Variants in DCAF15 observed in about 807,000 individuals in gnomAD.
DCAF15 encodes the protein DDB1 and CUL4 associated factor 15, also known as DDB1- and CUL4-associated factor 15.
Under a neutral mutation model 68.0 loss-of-function variants are expected in DCAF15, and 24 were observed. That is an observed-to-expected ratio of 0.35 (90% CI 0.26 to 0.50). The LOEUF (loss-of-function observed/expected upper bound fraction) is 0.50. Among genes scored for constraint, DCAF15 ranks in the 20% least tolerant of loss-of-function variants. The pLI is 0.98. For synonymous variants in DCAF15, 376 were observed against 341.6 expected, an observed-to-expected ratio of 1.10 and a Z score of -1.11; for missense variants, 627 against 830.6, an observed-to-expected ratio of 0.75 and a Z score of 3.01.
intron 2 of DCAF15, 42 bp from the exon 3 acceptor site, chr19:13,954,484 G>C: frequency 6.2e-7 from 1 of 1,613,966 alleles, no homozygotes; most frequent in African/African-American, 1.3e-5. Flanking sequence ...GGAGTGGTGG[G>C]CTCGCCCTGA....
chr19:13,959,467 G>A lies in DCAF15; in HGVS notation c.1207G>A (p.Glu403Lys), dbSNP rs940922569. The A allele has an allele frequency of 1.2e-6, 2 of 1,609,534 alleles. No homozygotes were observed. Among genetic ancestry groups the A allele is most frequent in the Admixed American group, 1.7e-5 (1 of 59,910 alleles). ...YYVLESGEGT[E>K]PEDELEDDKI... Reference sequence around the variant, plus strand: ...TGTGCTGGAGTCCGGAGAGGGGACGGAGCCGGAGGATGGTGAGCGGGGGGC... The same window carrying A: ...TGTGCTGGAGTCCGGAGAGGGGACGAAGCCGGAGGATGGTGAGCGGGGGGC... Residue 403 changes from glutamate to lysine, a missense_variant, in exon 7 of 13, where the codon GAG becomes AAG. Physicochemically the swap from Glu to Lys is moderately conservative, Grantham distance 56. Transcript: ENST00000254337.
At chr19:13,958,089 G>A (rs1973440956) in intron 6 of DCAF15, among the ~76,000 whole-genome samples, 1 of 152,148 alleles carries the variant, frequency 6.6e-6, no homozygotes, top group East Asian at 1.9e-4. Flanking sequence ...TCTATACCAG[G>A]AAGGGTGAGG....
intron 6 of DCAF15, 36 bp downstream of exon 6, chr19:13,956,558 G>A (rs376645695): frequency 1.1e-4 from 172 of 1,606,436 alleles, no homozygotes; most frequent in Non-Finnish European, 1.3e-4. Context: ...CCGGCAACGC[G>A]TGAAGCGGGT....
At position 13,959,907 on chromosome 19, in the gene DCAF15, G is replaced by A. The variant is rs1973533129; in HGVS notation, c.1440+12G>A. The A allele has an allele frequency of 6.2e-7, 1 of 1,612,108 alleles. No homozygotes were observed. Among genetic ancestry groups the A allele is most frequent in the South Asian group, 1.1e-5 (1 of 91,052 alleles). ...TCGTCATTCTGGAGGTGGGCCCAGG[G>A]CGGGCAGGGTGGGCCCAGGGCCTCC... On this transcript the variant is annotated intron_variant, in intron 9 of 12. Transcript: ENST00000254337.
chr19:13,960,147 T>C, intron 10 of DCAF15, 78 bp downstream of exon 10: 1 of 1,586,288 alleles, frequency 6.3e-7, no homozygotes, highest in South Asian at 1.1e-5. Flanking sequence ...TGTGGGGACG[T>C]GAGAAGGCTC....
chr19:13,952,934 C>A, intron 1 of DCAF15: 1 of 875,278 alleles, frequency 1.1e-6, no homozygotes, highest in Non-Finnish European at 1.7e-6. Flanking sequence ...ACCCCAGAGG[C>A]CGCAGGGAGA....
At chr19:13,952,732 A>G (rs929264318) in intron 1 of DCAF15, 88 bp downstream of exon 1, 1 of 85,034 alleles carries the variant, frequency 1.2e-5, no homozygotes. Context: ...TCGCGGGGTG[A>G]GGGGTTGGGG....
chr19:13,954,111 A>C (rs1019561849), intron 1 of DCAF15, among the ~76,000 whole-genome samples: 7 of 152,294 alleles, frequency 4.6e-5, no homozygotes, highest in Admixed American at 1.3e-4. Context: ...GGAACTGGGA[A>C]GGTGGCCTGG....
chr19:13,959,616 G>A lies in DCAF15; in HGVS notation c.1254G>A (p.Val418=), dbSNP rs1162763803. ...LEDDKISLPF[V]VTDLRGRNLR... is the part of the protein sequence containing the mutation. ...ACGACAAGATCTCCCTGCCCTTCGT[G>A]GTGACTGATCTTCGTGGCCGCAACC... is the stretch of plus-strand genomic sequence containing the variant. The change falls in exon 8 of 13, where the codon GTG becomes GTA. Residue 418 remains valine (V), a synonymous_variant. Coordinates refer to ENST00000254337, the MANE Select transcript of DCAF15 (RefSeq NM_138353.4). 1 of 1,613,326 alleles carries A rather than the reference G, an allele frequency of 6.2e-7. No homozygotes were observed. Among genetic ancestry groups the A allele is most frequent in the South Asian group, 1.1e-5 (1 of 91,074 alleles).
At chr19:13,954,262 G>A (rs55681834) in intron 1 of DCAF15, 78 bp from the exon 2 acceptor site, 185,566 of 1,283,430 alleles carry the variant, frequency 0.14, 14,086 homozygotes, top group Middle Eastern at 0.24. Flanking sequence ...GGTGAGAGCC[G>A]CTCTGCCTCT....
At chr19:13,956,641 C>T in intron 6 of DCAF15, 119 bp downstream of exon 6, 1 of 1,187,366 alleles carries the variant, frequency 8.4e-7, no homozygotes, top group Non-Finnish European at 1.2e-6. Context: ...CCAAGTCACA[C>T]AGCCTGGTTG....
Position 13,956,363 on chromosome 19 carries a change from G to T in DCAF15, c.625G>T (p.Ala209Ser). ...ASRAHPGDPN[A>S]QCLRHGFMLH... is the part of the protein sequence containing the mutation. ...GTGTGTTGCTACAGGAGACCCGAAT[G>T]CACAGTGCCTACGGCATGGCTTCAT... The change falls in exon 6 of 13, where the codon GCA becomes TCA. Residue 209 changes from alanine (A) to serine (S), a missense_variant. By Grantham distance (99) the Ala-to-Ser change is moderately conservative (BLOSUM62 1). Around this residue, in one of 3 missense-constraint regions of DCAF15, gnomAD observed 273 missense variants for 393.7 expected, o/e 0.69. Coordinates refer to ENST00000254337, the MANE Select transcript of DCAF15 (RefSeq NM_138353.4). 1 of 1,613,766 alleles carries T rather than the reference G, an allele frequency of 6.2e-7. No individual in the cohort carries two copies. The highest frequency in any genetic ancestry group is 8.5e-7 in the Non-Finnish European group (1 of 1,179,998).
At position 13,956,374 on chromosome 19, in the gene DCAF15, A is replaced by G. The variant is rs774741080; in HGVS notation, c.636A>G (p.Leu212=). 7.4e-6 allele frequency: 12 copies of G among 1,613,630 alleles called. No homozygotes were observed. Among genetic ancestry groups the G allele is most frequent in the Non-Finnish European group, 1.0e-5 (12 of 1,180,006 alleles). The change falls in exon 6 of 13, where the codon CTA becomes CTG. Residue 212 remains leucine (L), a synonymous_variant. Transcript: ENST00000254337. ...AHPGDPNAQC[L]RHGFMLHTKY... ...CAGGAGACCCGAATGCACAGTGCCT[A>G]CGGCATGGCTTCATGCTGCACACCA...
rs1165952945 is a variant in DCAF15, at chr19:13,954,259, G to A, written c.133-81G>A. ...CTGGGCCGGTCTGGACCCGGTGAGA[G>A]CCGCTCTGCCTCTCTGCCGTGGGTG... On this transcript the variant is annotated intron_variant, in intron 1 of 12. Transcript: ENST00000254337. 6.4e-6 allele frequency: 8 copies of A among 1,253,098 alleles called. No homozygotes were observed. In the Admixed American group the frequency reaches 7.4e-5, roughly 12 times the overall value. The allele number at this position is 1,253,098 out of a possible 1,614,324, so 77.6% of individuals were successfully genotyped here. A position where few individuals can be genotyped will look rare whatever the true frequency, so the allele number is the denominator to read the frequency against.
chr19:13,959,406 C>G lies in DCAF15; in HGVS notation c.1146C>G (p.Ser382=). 6.2e-7 allele frequency: 1 copy of G among 1,607,306 alleles called. No homozygotes were observed. The highest frequency in any genetic ancestry group is 8.5e-7 in the Non-Finnish European group (1 of 1,179,762). The part of the protein sequence containing the change: ...DSPPASEAPA[S]EPGYVNYTKL... ...CCCCTGCCTCGGAGGCACCTGCCTC[C>G]GAGCCTGGCTATGTCAACTACACCA... Residue 382 remains serine, a synonymous_variant, in exon 7 of 13, where the codon TCC becomes TCG. Coordinates refer to ENST00000254337, the MANE Select transcript of DCAF15 (RefSeq NM_138353.4).
rs574230184 is a variant in DCAF15, at chr19:13,961,244, G to A, written c.*249G>A. ...CCTGCCCCACCAGCCTGAGTGCCCC[G>A]CCTTCACCCCGAGCTGGGCATGGGC... On this transcript the variant is annotated 3_prime_UTR_variant, in exon 13 of 13. Coordinates refer to ENST00000254337, the MANE Select transcript of DCAF15 (RefSeq NM_138353.4). 19 of 570,042 alleles carry A rather than the reference G, an allele frequency of 3.3e-5. No homozygotes were observed. Among genetic ancestry groups the A allele is most frequent in the Admixed American group, 1.8e-4 (6 of 33,046 alleles). The allele number at this position is 570,042 out of a possible 1,614,324, so 35.3% of individuals were successfully genotyped here.
In DCAF15 at chr19:13,957,312, G is replaced by A. The variant is rs200463083; in HGVS notation, c.784+790G>A. ...GCAGCAACAGGAGGGAGGGGGCCCC[G>A]GGGGCCATTTGGCAACAGAATTGTG... is the stretch of plus-strand genomic sequence containing the variant. On this transcript the variant is annotated intron_variant, in intron 6 of 12. Transcript: ENST00000254337. Among the ~76,000 whole-genome samples the A allele has an allele frequency of 2.2e-4, 34 of 152,284 alleles. 1 individual carries two copies. The East Asian group carries it at 6.4e-3, about 29-fold the overall frequency.
At position 13,952,600 on chromosome 19, in the gene DCAF15, G is replaced by T; in HGVS notation, c.88G>T (p.Gly30Trp). ...GGGAGCCGGAGGGAAGCGGGCAGCA[G>T]GGCGGCGGCGGGAGCACGTCCTCAA... ...PGGAGGKRAA[G>W]RRREHVLKQL... Residue 30 changes from glycine to tryptophan, a missense_variant, in exon 1 of 13, where the codon GGG becomes TGG. Coordinates refer to ENST00000254337, the MANE Select transcript of DCAF15 (RefSeq NM_138353.4). 1 of 1,266,672 alleles carries T rather than the reference G, an allele frequency of 7.9e-7. No homozygotes were observed. The allele number at this position is 1,266,672 out of a possible 1,614,324, so 78.5% of individuals were successfully genotyped here. A position where few individuals can be genotyped will look rare whatever the true frequency, so the allele number is the denominator to read the frequency against.
chr19:13,960,884 G>T, intron 12 of DCAF15, 56 bp from the exon 13 acceptor site: 2 of 1,610,336 alleles, frequency 1.2e-6, no homozygotes, highest in African/African-American at 1.3e-5. Flanking sequence ...TGGAGGGTGT[G>T]GCCGCAGGGC....
Sources: gnomAD v4.1 joint callset for allele counts (sites outside exome capture counted in the v4.1 genomes callset) on GRCh38, gnomAD v4.1.1 for gene constraint, gnomAD v4.1.1 regional missense constraint, MANE v1.5 for transcripts, NCBI Gene and HGNC (gene_info 2026-07-23, HGNC 2026-07-21) for gene names.